IFT140: variants seen among roughly 807,000 people sequenced by gnomAD.
The protein encoded by IFT140 is intraflagellar transport protein 140 homolog.
A neutral mutation model predicts 164.6 loss-of-function variants in IFT140; 133 were observed. That is an observed-to-expected ratio of 0.81 (90% CI 0.70 to 0.93). The LOEUF (loss-of-function observed/expected upper bound fraction) is 0.93, where lower values mean the gene tolerates loss of function less well. IFT140 is among the 40% of genes least tolerant of loss of function. The probability of loss-of-function intolerance (pLI) is 0.00; values close to 1 mark genes in which losing one functional copy is unlikely to be tolerated. For synonymous variants in IFT140, 860 were observed against 817.3 expected, an observed-to-expected ratio of 1.05 and a Z score of -0.89; for missense variants, 2,045 against 1,972.3, an observed-to-expected ratio of 1.04 and a Z score of -0.70.
chr16:1,541,287 G>T, intron 19 of IFT140: 2 of 985,042 alleles, frequency 2.0e-6, no homozygotes, highest in Non-Finnish European at 2.4e-6. Context: ...GGTGAGGGGG[G>T]CAGGTGGGGG....
chr16:1,599,916 G>A (rs1464258571), intron 4 of IFT140, among the ~76,000 whole-genome samples: 2 of 120,080 alleles, frequency 1.7e-5, no homozygotes, highest in Non-Finnish European at 3.3e-5. Flanking sequence ...GAAGTGAGGA[G>A]CCCCTCTGCC....
chr16:1,560,270 C>T (rs920527709), intron 18 of IFT140, among the ~76,000 whole-genome samples: 6 of 152,204 alleles, frequency 3.9e-5, no homozygotes, highest in Non-Finnish European at 7.3e-5. Context: ...CTGCCTCCAC[C>T]GCAGGGAACA....
At chr16:1,525,173 G>A in intron 22 of IFT140, 58 bp downstream of exon 22, 1 of 1,392,858 alleles carries the variant, frequency 7.2e-7, no homozygotes. Context: ...AAGCCCTGGG[G>A]TCCCTGCAAA....
chr16:1,566,492 C>T (rs890173850), intron 15 of IFT140, among the ~76,000 whole-genome samples: 2 of 152,148 alleles, frequency 1.3e-5, no homozygotes, highest in African/African-American at 2.4e-5. Flanking sequence ...GACAGGGTCT[C>T]GCTCTGTTGC....
intron 4 of IFT140, among the ~76,000 whole-genome samples, chr16:1,594,753 G>A (rs2035365486): frequency 2.6e-5 from 4 of 152,220 alleles, no homozygotes; most frequent in Admixed American, 1.3e-4. Context: ...AGGGGATGCG[G>A]TTAGGCGGCA....
intron 1 of IFT140, among the ~76,000 whole-genome samples, chr16:1,611,737 C>T (rs981953777): frequency 1.3e-5 from 2 of 150,910 alleles, no homozygotes; most frequent in African/African-American, 4.9e-5. Context: ...TCGCTTGAAC[C>T]TGGGAGGCGG....
At chr16:1,513,824 C>T (rs367612991) in intron 30 of IFT140, among the ~76,000 whole-genome samples, 16 of 149,748 alleles carry the variant, frequency 1.1e-4, no homozygotes, top group East Asian at 8.5e-4. Flanking sequence ...CAGGCGCCCA[C>T]CACCACACCC....
At chr16:1,607,092 G>A in intron 3 of IFT140, 28 bp downstream of exon 3, 2 of 1,609,986 alleles carry the variant, frequency 1.2e-6, no homozygotes, top group Non-Finnish European at 1.7e-6. Flanking sequence ...AGCTACCACA[G>A]TCAGGCTCCT....
rs962239430 is a variant in IFT140, at chr16:1,511,108, C to A, written c.4225G>T (p.Ala1409Ser). 6.2e-7 allele frequency: 1 copy of A among 1,609,804 alleles called. No individual in the cohort carries two copies. Reference sequence around the variant, plus strand: ...GGGCTCACGTAGTAGGACATGTTGGCCAAGGGAAGCCGCCGCCGCATCTCC... The same window carrying A: ...GGGCTCACGTAGTAGGACATGTTGGACAAGGGAAGCCGCCGCCGCATCTCC... ...LEEMRRRLPL[A>S]NMSYYVSPQA... Residue 1409 changes from alanine (A) to serine (S), a missense_variant, in exon 31 of 31, where the codon GCC becomes TCC. By Grantham distance (99) the Ala-to-Ser change is moderately conservative (BLOSUM62 1). Coordinates refer to ENST00000426508, the MANE Select transcript of IFT140 (RefSeq NM_014714.4).
chr16:1,590,446 C>T (rs1333452308), intron 6 of IFT140, among the ~76,000 whole-genome samples: 1 of 152,150 alleles, frequency 6.6e-6, no homozygotes, highest in East Asian at 1.9e-4. Flanking sequence ...GTGGCCACTA[C>T]TCCCTGTCCT....
chr16:1,606,462 CT>C (rs887667662), intron 3 of IFT140, among the ~76,000 whole-genome samples: 2 of 152,106 alleles, frequency 1.3e-5, no homozygotes, highest in Admixed American at 6.5e-5. Context: ...ATGTCGTTTT[CT>C]TTTTTTTCTT....
At chr16:1,543,110 C>T (rs537832123) in intron 19 of IFT140, among the ~76,000 whole-genome samples, 22 of 152,306 alleles carry the variant, frequency 1.4e-4, no homozygotes, top group South Asian at 8.3e-4. Context: ...CAGGTCAGCC[C>T]GGTGCCCGCA....
chr16:1,540,924 C>T (rs967754971), intron 19 of IFT140: 1 of 985,328 alleles, frequency 1.0e-6, no homozygotes, highest in African/African-American at 1.7e-5. Flanking sequence ...TGTCAGCACA[C>T]ACATTGTCTG....
At chr16:1,540,181 C>A (rs182702095) in intron 19 of IFT140, among the ~76,000 whole-genome samples, 64 of 152,338 alleles carry the variant, frequency 4.2e-4, no homozygotes, top group African/African-American at 1.5e-3. Flanking sequence ...CAGATGTGAG[C>A]GCTGGAGCAG....
chr16:1,601,437 C>G (rs774653068), intron 4 of IFT140, among the ~76,000 whole-genome samples: 1 of 152,152 alleles, frequency 6.6e-6, no homozygotes, highest in Non-Finnish European at 1.5e-5. Context: ...TGTGAGAACT[C>G]TACTGTGCCT....
intron 30 of IFT140, among the ~76,000 whole-genome samples, chr16:1,517,873 T>C (rs1260492964): frequency 6.6e-5 from 10 of 152,166 alleles, no homozygotes; most frequent in Admixed American, 5.9e-4. Flanking sequence ...GGTCTCGCTC[T>C]GTCACCCAGG....
At chr16:1,593,874 C>G (rs1010653994) in intron 4 of IFT140, among the ~76,000 whole-genome samples, 2 of 152,198 alleles carry the variant, frequency 1.3e-5, no homozygotes, top group Non-Finnish European at 2.9e-5. Context: ...AGAAAGAAGT[C>G]ACTCTCTGCA....
At chr16:1,562,172 T>C in intron 17 of IFT140, 56 bp from the exon 18 acceptor site, 2 of 1,486,018 alleles carry the variant, frequency 1.3e-6, no homozygotes, top group African/African-American at 1.4e-5. Context: ...CATAAATTTC[T>C]GGGGTATGAG....
intron 30 of IFT140, among the ~76,000 whole-genome samples, chr16:1,516,398 C>T (rs908344362): frequency 6.6e-6 from 1 of 151,982 alleles, no homozygotes; most frequent in African/African-American, 2.4e-5. Context: ...TTATGGTAAT[C>T]TCCAGGGCAA....
Sources: allele counts gnomAD v4.1 joint callset (sites outside exome capture counted in the v4.1 genomes callset), GRCh38; gene constraint gnomAD v4.1.1; transcripts MANE v1.5; gene names NCBI Gene and HGNC (gene_info 2026-07-23, HGNC 2026-07-21).